Variants in GRIK4 observed in about 807,000 individuals in gnomAD.
GRIK4 encodes glutamate receptor ionotropic, kainate 4.
In GRIK4, 40 loss-of-function variants were observed where a neutral mutation model predicts 104.9. That is an observed-to-expected ratio of 0.38 (90% CI 0.30 to 0.50). The LOEUF (loss-of-function observed/expected upper bound fraction) is 0.50. Ranked by LOEUF, GRIK4 falls within the 20% of genes least tolerant of loss-of-function variation. GRIK4 has a pLI of 0.93. For missense variants in GRIK4, 1,047 were observed against 1,308.1 expected (o/e 0.80, Z 3.08); for synonymous variants, 485 against 524.9 (o/e 0.92, Z 1.04).
intron 3 of GRIK4, among the ~76,000 whole-genome samples, chr11:120,766,627 T>A (rs904130186): frequency 6.6e-6 from 1 of 152,126 alleles, no homozygotes; most frequent in African/African-American, 2.4e-5. Context: ...GCAAAGACCA[T>A]GGGAAAAGCG....
intron 13 of GRIK4, among the ~76,000 whole-genome samples, chr11:120,929,000 C>T (rs537016376): frequency 0.015 from 2,091 of 143,914 alleles, 39 homozygotes; most frequent in African/African-American, 0.051. Context: ...CGCGCGTGCA[C>T]GCGTGTATGT....
chr11:120,524,778 C>T lies in GRIK4; in HGVS notation c.-159+12891C>T, dbSNP rs1947838505. 6.6e-6 allele frequency among the ~76,000 whole-genome samples: 1 copy of T among 152,182 alleles called. No individual in the cohort carries two copies. Among genetic ancestry groups the T allele is most frequent in the African/African-American group, 2.4e-5 (1 of 41,438 alleles). ...AGTGTGAGCTAGGGGCTGCCTGCAT[C>T]CTGGGGGCATTTATCATCACGCGGA... is the stretch of plus-strand genomic sequence containing the variant. On this transcript the variant is annotated intron_variant, in intron 1 of 20. Coordinates refer to ENST00000527524, the MANE Select transcript of GRIK4 (RefSeq NM_014619.5). The surrounding 1 kb of genome is among the most constrained non-coding windows in gnomAD (Gnocchi z 4.5).
Position 120,929,022 on chromosome 11 carries a change from C to CGT in GRIK4, c.1477-11325_1477-11324insGT, listed in dbSNP as rs1565445179. 4.3e-4 allele frequency among the ~76,000 whole-genome samples: 64 copies of CGT among 149,026 alleles called. 1 individual carries two copies. The highest frequency in any genetic ancestry group is 2.5e-3 in the South Asian group (12 of 4,758). On this transcript the variant is annotated intron_variant, in intron 13 of 20. Transcript: ENST00000527524. Reference sequence around the variant, plus strand: ...GCACGCGTGTATGTGTGTGTGCGCACATGTGTGTGTGTGTGTGTGTCTGTG... The same window carrying CGT: ...GCACGCGTGTATGTGTGTGTGCGCACGTATGTGTGTGTGTGTGTGTGTCTGTG...
At chr11:120,654,118 T>C (rs1949662828) in intron 2 of GRIK4, among the ~76,000 whole-genome samples, 1 of 152,228 alleles carries the variant, frequency 6.6e-6, no homozygotes, top group South Asian at 2.1e-4. Context: ...ACATACCTGC[T>C]TTCAACCTAA....
chr11:120,949,857 T>C (rs1475395806), intron 14 of GRIK4, among the ~76,000 whole-genome samples: 2 of 152,250 alleles, frequency 1.3e-5, no homozygotes, highest in East Asian at 1.9e-4. Flanking sequence ...TTCTTCCATC[T>C]GTCAGTATGG....
chr11:120,645,396 C>T (rs1471324225), intron 1 of GRIK4, among the ~76,000 whole-genome samples: 2 of 152,150 alleles, frequency 1.3e-5, no homozygotes, highest in South Asian at 2.1e-4. Flanking sequence ...TCACATGCAA[C>T]GGTATGTGGA....
At chr11:120,977,939 C>G (rs1032256556) in intron 19 of GRIK4, among the ~76,000 whole-genome samples, 1 of 152,230 alleles carries the variant, frequency 6.6e-6, no homozygotes, top group Non-Finnish European at 1.5e-5. Context: ...TGTGGGCCAT[C>G]TTCCTCTGTG....
rs1346969519 is a variant in GRIK4 at position 120,956,656 on chromosome 11, A to G, written c.1701-124A>G. On this transcript the variant is annotated intron_variant, in intron 15 of 20. Coordinates refer to ENST00000527524, the MANE Select transcript of GRIK4 (RefSeq NM_014619.5). This position sits in a 1 kb window ranked among gnomAD's most constrained non-coding sequence, Gnocchi z 4.6. ...TTGGTTGCGAAACTCCAAGTCCAGC[A>G]AAGGGAAGTGGCTTGCCCAAGGCCA... The G allele has an allele frequency of 1.1e-5, 6 of 541,924 alleles. No homozygotes were observed. The highest frequency in any genetic ancestry group is 1.9e-5 in the Non-Finnish European group (6 of 323,672). 33.6% of individuals were successfully genotyped at this position (541,924 alleles called of 1,614,324 possible).
chr11:120,682,974 C>T (rs1034855535), intron 3 of GRIK4, among the ~76,000 whole-genome samples: 6 of 152,022 alleles, frequency 3.9e-5, no homozygotes, highest in African/African-American at 1.2e-4. Flanking sequence ...TTCTCTGTGA[C>T]ACGCTCCCTG....
Position 120,967,294 on chromosome 11 carries a change from G to T in GRIK4, c.2366G>T (p.Cys789Phe). 6.2e-7 allele frequency: 1 copy of T among 1,613,848 alleles called. No homozygotes were observed. Among genetic ancestry groups the T allele is most frequent in the Middle Eastern group, 1.7e-4 (1 of 6,056 alleles). The change falls in exon 19 of 21, where the codon TGC (cysteine) becomes TTC (phenylalanine). Residue 789 changes from cysteine to phenylalanine, a missense_variant. Coordinates refer to ENST00000527524, the MANE Select transcript of GRIK4 (RefSeq NM_014619.5). This position sits in a 1 kb window ranked among gnomAD's most constrained non-coding sequence, Gnocchi z 4.2. ...CGCAAATGGTGGGAAGGAGGGAAGT[G>T]CCCCAAGGAGGAAGATCACAGAGCT... ...LKRKWWEGGK[C>F]PKEEDHRAKG...
intron 1 of GRIK4, among the ~76,000 whole-genome samples, chr11:120,613,075 T>C (rs894080546): frequency 3.9e-5 from 6 of 152,238 alleles, no homozygotes; most frequent in Admixed American, 2.6e-4. Context: ...GTCTCTGCCA[T>C]TGGGGTCTTG....
intron 3 of GRIK4, among the ~76,000 whole-genome samples, chr11:120,708,495 G>A (rs1003171489): frequency 1.8e-4 from 28 of 152,170 alleles, no homozygotes; most frequent in Admixed American, 1.6e-3. Context: ...TGTGGGGCTC[G>A]GAGGTGCTAG....
At chr11:120,820,483 T>C (rs1452225322) in intron 6 of GRIK4, among the ~76,000 whole-genome samples, 4 of 152,224 alleles carry the variant, frequency 2.6e-5, no homozygotes, top group African/African-American at 9.6e-5. Context: ...TCTATGACTC[T>C]CAGTCAATTT....
chr11:120,810,966 G>C (rs929601927), intron 4 of GRIK4, among the ~76,000 whole-genome samples: 4 of 152,182 alleles, frequency 2.6e-5, no homozygotes, highest in African/African-American at 7.2e-5. Context: ...AGGGGTTAGA[G>C]AAAAGAATGA....
At chr11:120,552,519 A>G (rs1298214606) in intron 1 of GRIK4, among the ~76,000 whole-genome samples, 1 of 152,210 alleles carries the variant, frequency 6.6e-6, no homozygotes, top group Admixed American at 6.5e-5. Context: ...TGACAACTTT[A>G]CTGCGTCTGT....
At chr11:120,961,121 A>G in intron 17 of GRIK4, 47 bp downstream of exon 17, 1 of 1,519,040 alleles carries the variant, frequency 6.6e-7, no homozygotes. Context: ...TGGGCAGAAT[A>G]AAGTTGAGAT....
chr11:120,692,643 A>G (rs1950385558), intron 3 of GRIK4, among the ~76,000 whole-genome samples: 1 of 152,244 alleles, frequency 6.6e-6, no homozygotes, highest in Admixed American at 6.5e-5. Flanking sequence ...GAGGACAGAC[A>G]GTCGGGAAGA....
chr11:120,957,388 G>A (rs1350475075), intron 16 of GRIK4, among the ~76,000 whole-genome samples: 1 of 152,232 alleles, frequency 6.6e-6, no homozygotes, highest in Non-Finnish European at 1.5e-5. Flanking sequence ...GCCTTCTGAG[G>A]CTTTGTGTCT....
chr11:120,542,529 G>C (rs1948047633), intron 1 of GRIK4, among the ~76,000 whole-genome samples: 1 of 152,210 alleles, frequency 6.6e-6, no homozygotes, highest in Non-Finnish European at 1.5e-5. Context: ...CGTATGTCAT[G>C]GGAGAAAATA....
Sources: gnomAD v4.1 joint callset for allele counts (sites outside exome capture counted in the v4.1 genomes callset) on GRCh38, gnomAD v4.1.1 for gene constraint, Gnocchi (gnomAD v3.1) non-coding constraint, MANE v1.5 for transcripts, NCBI Gene and HGNC (gene_info 2026-07-23, HGNC 2026-07-21) for gene names.